Variants in PLOD1 observed in about 807,000 individuals in gnomAD.
PLOD1 encodes procollagen-lysine,2-oxoglutarate 5-dioxygenase 1.
In PLOD1, 70 loss-of-function variants were observed where a neutral mutation model predicts 94.7. The observed-to-expected ratio is 0.74, with a 90% CI of 0.61 to 0.90. The LOEUF is 0.90. Among genes scored for constraint, PLOD1 ranks in the 40% least tolerant of loss-of-function variants. PLOD1 has a pLI of 0.00. For missense variants in PLOD1, 905 were observed against 972.7 expected (o/e 0.93, Z 0.93); for synonymous variants, 417 against 400.2 (o/e 1.04, Z -0.50).
chr1:11,966,108 A>G (rs577758732), intron 14 of PLOD1, 143 bp from the exon 15 acceptor site: 1 of 714,620 alleles, frequency 1.4e-6, no homozygotes, highest in East Asian at 2.7e-5. Context: ...CCCAGACAAC[A>G]CACACGCACC....
At chr1:11,962,920 A>G (rs532565150) in intron 10 of PLOD1, among the ~76,000 whole-genome samples, 46 of 152,176 alleles carry the variant, frequency 3.0e-4, no homozygotes, top group African/African-American at 1.1e-3. Context: ...GCACGCCTCT[A>G]ATCCCAGCTA....
chr1:11,947,236 CAA>C (rs58975312), intron 1 of PLOD1, among the ~76,000 whole-genome samples: 3 of 124,418 alleles, frequency 2.4e-5, no homozygotes. Flanking sequence ...GATGCTGTCT[CAA>C]AAAAAAAAAA....
At chr1:11,962,274 C>CTTTTTTTTTTTTTTTTTT (rs780613164) in intron 10 of PLOD1, among the ~76,000 whole-genome samples, 39 of 99,068 alleles carry the variant, frequency 3.9e-4, no homozygotes, top group Non-Finnish European at 4.9e-4. Flanking sequence ...TTTTTGTTTT[C>CTTTTTTTTTTTTTTTTTT]TTTTTTTTTT....
intron 5 of PLOD1, among the ~76,000 whole-genome samples, chr1:11,953,212 C>T (rs1463350615): frequency 6.6e-6 from 1 of 151,916 alleles, no homozygotes; most frequent in Non-Finnish European, 1.5e-5. Context: ...TGCACCACCA[C>T]GTTTGGCTGA....
intron 4 of PLOD1, 70 bp downstream of exon 4, chr1:11,950,590 C>G: frequency 1.4e-6 from 2 of 1,450,244 alleles, no homozygotes; most frequent in South Asian, 2.3e-5. Flanking sequence ...GGGGACCCCC[C>G]TTGTTTGACG....
At position 11,970,066 on chromosome 1, in the gene PLOD1, C is replaced by A. The variant is rs188136748; in HGVS notation, c.1756-604C>A. Reference sequence around the variant, plus strand: ...GACCAGCCTGGCCAACATGATGAAACCCCATCTCTACTAAAAATACAAAAA... The same window carrying A: ...GACCAGCCTGGCCAACATGATGAAAACCCATCTCTACTAAAAATACAAAAA... On this transcript the variant is annotated intron_variant, in intron 16 of 18. Coordinates refer to ENST00000196061, the MANE Select transcript of PLOD1 (RefSeq NM_000302.4). Among the ~76,000 whole-genome samples the A allele has an allele frequency of 6.2e-3, 939 of 151,090 alleles. 10 individuals carry two copies. The highest frequency in any genetic ancestry group is 0.022 in the African/African-American group (891 of 41,068).
chr1:11,950,731 C>G (rs1341148420), intron 4 of PLOD1, among the ~76,000 whole-genome samples: 4 of 152,154 alleles, frequency 2.6e-5, no homozygotes, highest in Non-Finnish European at 5.9e-5. Flanking sequence ...AGACAGAACC[C>G]AGGAGTCACT....
At chr1:11,961,889 A>G (rs1294098152) in intron 10 of PLOD1, among the ~76,000 whole-genome samples, 2 of 152,132 alleles carry the variant, frequency 1.3e-5, no homozygotes, top group Non-Finnish European at 2.9e-5. Flanking sequence ...CCCAGGTTCA[A>G]GCCATTCTCT....
chr1:11,948,806 A>G (rs2336379), intron 2 of PLOD1, among the ~76,000 whole-genome samples: 41,377 of 152,016 alleles, frequency 0.27, 8,323 homozygotes, highest in African/African-American at 0.57. Flanking sequence ...GCTTGGTGTC[A>G]TCTGTGTGCA....
chr1:11,941,625 G>A (rs112171882), intron 1 of PLOD1, among the ~76,000 whole-genome samples: 16,493 of 151,856 alleles, frequency 0.11, 1,287 homozygotes, highest in African/African-American at 0.22. Context: ...GATTATAGGC[G>A]CCTGCCACCA....
At chr1:11,973,800 C>G (rs1569744002) in intron 18 of PLOD1, among the ~76,000 whole-genome samples, 1 of 150,992 alleles carries the variant, frequency 6.6e-6, no homozygotes, top group Non-Finnish European at 1.5e-5. Flanking sequence ...CAGGCTGGAG[C>G]TATAATTTTT....
At position 11,960,648 on chromosome 1, in the gene PLOD1, G is replaced by T. The variant is rs150627428; in HGVS notation, c.978G>T (p.Glu326Asp). The T allele has an allele frequency of 4.3e-6, 7 of 1,609,846 alleles. No homozygotes were observed. The East Asian group carries it at 1.6e-4, about 36-fold the overall frequency. Reference sequence around the variant, plus strand: ...CCCTTCCCCATCCCCAACCCCAGGAGCAGCACCACAAGGCTCAGGTGGAAG... The same window carrying T: ...CCCTTCCCCATCCCCAACCCCAGGATCAGCACCACAAGGCTCAGGTGGAAG... ...KHMRLFIHNH[E>D]QHHKAQVEEF... The change falls in exon 10 of 19, where the codon GAG (glutamate) becomes GAT (aspartate). Residue 326 changes from glutamate to aspartate, a missense_variant and splice_region_variant. Transcript: ENST00000196061.
chr1:11,973,455 A>G (rs7538358), intron 18 of PLOD1, among the ~76,000 whole-genome samples: 86,391 of 151,878 alleles, frequency 0.57, 26,355 homozygotes, highest in African/African-American at 0.78. Flanking sequence ...AGCTGAGATC[A>G]TGCCACTGCA....
chr1:11,935,729 T>A (rs1319790049), intron 1 of PLOD1, among the ~76,000 whole-genome samples: 1 of 151,790 alleles, frequency 6.6e-6, no homozygotes, highest in African/African-American at 2.4e-5. Context: ...GGTTCAAGTG[T>A]TTCTCCTGCC....
intron 9 of PLOD1, among the ~76,000 whole-genome samples, chr1:11,959,349 C>T (rs1478385070): frequency 6.6e-6 from 1 of 152,032 alleles, no homozygotes; most frequent in East Asian, 1.9e-4. Context: ...CATCTAGTTG[C>T]TTCTAACTGT....
In PLOD1 at chr1:11,966,319, A is replaced by G. The variant is rs1183175574; in HGVS notation, c.1650+3A>G. 2 of 1,600,522 alleles carry G rather than the reference A, an allele frequency of 1.2e-6. No individual in the cohort carries two copies. The highest frequency in any genetic ancestry group is 3.4e-5 in the Admixed American group (2 of 59,044). On this transcript the variant is annotated splice_donor_region_variant and intron_variant, in intron 15 of 18. Transcript: ENST00000196061. ...TGGCAGGGAAGCTGGTGGAGACGGT[A>G]AGGGCCATGGACACCCTCTTGGACC...
At chr1:11,943,895 G>C (rs1645631603) in intron 1 of PLOD1, among the ~76,000 whole-genome samples, 1 of 152,176 alleles carries the variant, frequency 6.6e-6, no homozygotes, top group Non-Finnish European at 1.5e-5. Context: ...CTGTACCCTT[G>C]GTTTCCTAAC....
At chr1:11,961,987 C>G (rs1220459360) in intron 10 of PLOD1, among the ~76,000 whole-genome samples, 1 of 152,178 alleles carries the variant, frequency 6.6e-6, no homozygotes, top group Non-Finnish European at 1.5e-5. Flanking sequence ...CGAGGTTTCA[C>G]CATGTTTTCC....
Position 11,972,803 on chromosome 1 carries a change from C to G in PLOD1, c.1903-69C>G. On this transcript the variant is annotated intron_variant, in intron 17 of 18. Transcript: ENST00000196061. This position sits in a 1 kb window ranked among gnomAD's most constrained non-coding sequence, Gnocchi z 4.6. ...GGCCAGACCAGGCCCCATGTGTGCA[C>G]CCTCCTCTCCTGGCCTTTGTGTCCT... The G allele has an allele frequency of 1.3e-6, 2 of 1,583,770 alleles. No homozygotes were observed. The highest frequency in any genetic ancestry group is 1.7e-6 in the Non-Finnish European group (2 of 1,153,200).
Sources: allele counts gnomAD v4.1 joint callset (sites outside exome capture counted in the v4.1 genomes callset), GRCh38; gene constraint gnomAD v4.1.1; non-coding constraint Gnocchi (gnomAD v3.1); transcripts MANE v1.5; gene names NCBI Gene and HGNC (gene_info 2026-07-23, HGNC 2026-07-21).